PTGER2: variants seen among roughly 807,000 people sequenced by gnomAD.
The protein encoded by PTGER2 is prostaglandin E2 receptor EP2 subtype.
PTGER2 carries 22 observed loss-of-function variants against 26.2 expected under a neutral mutation model. The ratio of observed to expected loss-of-function variants is 0.84; its 90% CI spans 0.60 to 1.20. PTGER2 has a LOEUF of 1.20. Ranked by LOEUF, PTGER2 falls within the 50% of genes most tolerant of loss-of-function variation. The pLI is 0.00. For missense variants in PTGER2, 458 were observed against 475.2 expected (o/e 0.96, Z 0.34); for synonymous variants, 219 against 208.9 (o/e 1.05, Z -0.42).
Position 52,327,598 on chromosome 14 carries a change from G to C in PTGER2, c.*144G>C. The C allele has an allele frequency of 1.5e-6, 1 of 688,786 alleles. No individual in the cohort carries two copies. Among genetic ancestry groups the C allele is most frequent in the Non-Finnish European group, 2.4e-6 (1 of 423,680 alleles). The allele number at this position is 688,786 out of a possible 1,614,324, so 42.7% of individuals were successfully genotyped here. A position where few individuals can be genotyped will look rare whatever the true frequency, so the allele number is the denominator to read the frequency against. The stretch of plus-strand genomic sequence containing the variant: ...TACAAACATTTAAGCTGTGGTCAAG[G>C]CTACAGATGTGCTGACAAGGCACTT... On this transcript the variant is annotated 3_prime_UTR_variant, in exon 2 of 2. Coordinates refer to ENST00000245457, the MANE Select transcript of PTGER2 (RefSeq NM_000956.4).
chr14:52,319,917 ACAAACTC>A (rs1566495944), intron 1 of PTGER2, among the ~76,000 whole-genome samples: 4 of 152,200 alleles, frequency 2.6e-5, no homozygotes, highest in African/African-American at 9.6e-5. Context: ...GCAATACAAA[ACAAACTC>A]CAGTAAACAG....
At chr14:52,315,459 C>T (rs1452694981) in intron 1 of PTGER2, 68 bp downstream of exon 1, 3 of 1,563,710 alleles carry the variant, frequency 1.9e-6, no homozygotes. Flanking sequence ...CCTGACGCCT[C>T]CACCCTTTCC....
At chr14:52,319,212 C>T (rs2033870848) in intron 1 of PTGER2, among the ~76,000 whole-genome samples, 1 of 152,306 alleles carries the variant, frequency 6.6e-6, no homozygotes, top group African/African-American at 2.4e-5. Context: ...AATAAAATGG[C>T]AAAGACCTTT....
chr14:52,316,382 A>G (rs2033841084), intron 1 of PTGER2, among the ~76,000 whole-genome samples: 1 of 152,172 alleles, frequency 6.6e-6, no homozygotes, highest in African/African-American at 2.4e-5. Flanking sequence ...GTAACGTTTT[A>G]GCTGAGCCTG....
intron 1 of PTGER2, among the ~76,000 whole-genome samples, chr14:52,323,140 C>T (rs191985170): frequency 5.6e-4 from 85 of 152,270 alleles, no homozygotes; most frequent in African/African-American, 1.7e-3. Flanking sequence ...ATTCCTCTGC[C>T]GCGGCTCCAA....
Position 52,314,755 on chromosome 14 carries a change from G to T in PTGER2, c.207G>T (p.Val69=), listed in dbSNP as rs376819687. Reference sequence around the variant, plus strand: ...GGAGCTCCCTCTCCTTGTTCCACGTGCTGGTGACCGAGCTGGTGTTCACCG... The same window carrying T: ...GGAGCTCCCTCTCCTTGTTCCACGTTCTGGTGACCGAGCTGGTGTTCACCG... The part of the protein sequence containing the change: ...GRRSSLSLFH[V]LVTELVFTDL... The change falls in exon 1 of 2, where the codon GTG becomes GTT. Residue 69 remains valine, a synonymous_variant. Coordinates refer to ENST00000245457, the MANE Select transcript of PTGER2 (RefSeq NM_000956.4). This position sits in a 1 kb window ranked among gnomAD's most constrained non-coding sequence, Gnocchi z 5.7. 8 of 1,603,330 alleles carry T rather than the reference G, an allele frequency of 5.0e-6. No individual in the cohort carries two copies. The African/African-American group carries it at 1.1e-4, about 21-fold the overall frequency.
At position 52,320,227 on chromosome 14, in the gene PTGER2, G is replaced by C. The variant is rs993787294; in HGVS notation, c.843+4836G>C. Reference sequence around the variant, plus strand: ...AATACACATGATGTTTTAAGAGAAAGTTCCTCTATATGAGTGTTTTCACTT... The same window carrying C: ...AATACACATGATGTTTTAAGAGAAACTTCCTCTATATGAGTGTTTTCACTT... On this transcript the variant is annotated intron_variant, in intron 1 of 1. Coordinates refer to ENST00000245457, the MANE Select transcript of PTGER2 (RefSeq NM_000956.4). 2.5e-4 allele frequency among the ~76,000 whole-genome samples: 38 copies of C among 152,326 alleles called. 1 individual carries two copies. Among genetic ancestry groups the C allele is most frequent in the Admixed American group, 2.3e-3 (35 of 15,308 alleles).
chr14:52,314,699 C>CG lies in PTGER2; in HGVS notation c.157dup (p.Asp53GlyfsTer236). The CG allele has an allele frequency of 1.3e-6, 2 of 1,553,644 alleles. No homozygotes were observed. Among genetic ancestry groups the CG allele is most frequent in the East Asian group, 2.3e-5 (1 of 44,060 alleles). ...ACTGGCGCTGCTGGCGCGCCGCTGG[C>CG]GGGGGGACGTGGGGTGCAGCGCCGG... On this transcript the variant is annotated frameshift_variant, in exon 1 of 2. Coordinates refer to ENST00000245457, the MANE Select transcript of PTGER2 (RefSeq NM_000956.4). LOFTEE classifies it high-confidence loss of function. The surrounding 1 kb of genome is among the most constrained non-coding windows in gnomAD (Gnocchi z 5.7).
intron 1 of PTGER2, 149 bp downstream of exon 1, chr14:52,315,540 T>C (rs942612526): frequency 5.4e-6 from 6 of 1,118,490 alleles, no homozygotes; most frequent in Non-Finnish European, 7.5e-6. Context: ...CCTTCCCCAC[T>C]AGTTTCCCCT....
chr14:52,325,458 C>T (rs999886802), intron 1 of PTGER2, among the ~76,000 whole-genome samples: 1 of 152,236 alleles, frequency 6.6e-6, no homozygotes, highest in Non-Finnish European at 1.5e-5. Context: ...AGATCATCAA[C>T]TCAGCTGCAG....
chr14:52,324,818 CT>C (rs1231443590), intron 1 of PTGER2, among the ~76,000 whole-genome samples: 2 of 152,104 alleles, frequency 1.3e-5, no homozygotes, highest in African/African-American at 4.8e-5. Flanking sequence ...TCGAGGGTCA[CT>C]GAAGTATGTC....
intron 1 of PTGER2, among the ~76,000 whole-genome samples, chr14:52,322,624 A>T (rs2033907758): frequency 6.6e-6 from 1 of 152,092 alleles, no homozygotes; most frequent in Non-Finnish European, 1.5e-5. Flanking sequence ...AGTAAGCCTG[A>T]GGGTACTGCA....
At position 52,327,334 on chromosome 14, in the gene PTGER2, G is replaced by T. The variant is rs2033961802; in HGVS notation, c.957G>T (p.Arg319Ser). The T allele has an allele frequency of 6.2e-7, 1 of 1,612,768 alleles. No homozygotes were observed. Among genetic ancestry groups the T allele is most frequent in the African/African-American group, 1.3e-5 (1 of 74,984 alleles). Residue 319 changes from arginine to serine, a missense_variant, in exon 2 of 2, where the codon AGG (arginine) becomes AGT (serine). Physicochemically the swap from Arg to Ser is moderately radical, Grantham distance 110 (BLOSUM62 -1). Coordinates refer to ENST00000245457, the MANE Select transcript of PTGER2 (RefSeq NM_000956.4). ...IIDPWVFAIL[R>S]PPVLRLMRSV... The stretch of plus-strand genomic sequence containing the variant: ...ACCCTTGGGTCTTTGCCATCCTTAG[G>T]CCTCCTGTTCTGAGACTAATGCGTT...
At position 52,327,694 on chromosome 14, in the gene PTGER2, A is replaced by G; in HGVS notation, c.*240A>G. 1 of 419,934 alleles carries G rather than the reference A, an allele frequency of 2.4e-6. No individual in the cohort carries two copies. Among genetic ancestry groups the G allele is most frequent in the Non-Finnish European group, 4.3e-6 (1 of 235,074 alleles). The allele number at this position is 419,934 out of a possible 1,614,324, so 26.0% of individuals were successfully genotyped here. Reference sequence around the variant, plus strand: ...ATGGTACTTGGCCTTTGGAGGAACAATCGGCTGCATTGAAGATCCAGCTGC... The same window carrying G: ...ATGGTACTTGGCCTTTGGAGGAACAGTCGGCTGCATTGAAGATCCAGCTGC... On this transcript the variant is annotated 3_prime_UTR_variant, in exon 2 of 2. Coordinates refer to ENST00000245457, the MANE Select transcript of PTGER2 (RefSeq NM_000956.4).
In PTGER2 at chr14:52,318,250, G is replaced by T. The variant is rs190738862; in HGVS notation, c.843+2859G>T. Among the ~76,000 whole-genome samples, 72 of 152,280 alleles carry T rather than the reference G, an allele frequency of 4.7e-4. 1 individual carries two copies. The highest frequency in any genetic ancestry group is 1.5e-3 in the African/African-American group (62 of 41,560). On this transcript the variant is annotated intron_variant, in intron 1 of 1. Coordinates refer to ENST00000245457, the MANE Select transcript of PTGER2 (RefSeq NM_000956.4). ...GGGGCTCTAGAAGCAAAGGTTTATG[G>T]TTGCCTTCAGAAATGTTTCTGTTTC...
At position 52,314,731 on chromosome 14, in the gene PTGER2, G is replaced by C. The variant is rs373886710; in HGVS notation, c.183G>C (p.Arg61Ser). Residue 61 changes from arginine to serine, a missense_variant, in exon 1 of 2, where the codon AGG (arginine) becomes AGC (serine). Transcript: ENST00000245457. This position sits in a 1 kb window ranked among gnomAD's most constrained non-coding sequence, Gnocchi z 5.7. ...ACGTGGGGTGCAGCGCCGGCCGCAG[G>C]AGCTCCCTCTCCTTGTTCCACGTGC... ...RGDVGCSAGR[R>S]SSLSLFHVLV... 2.5e-6 allele frequency: 4 copies of C among 1,588,346 alleles called. No homozygotes were observed. Among genetic ancestry groups the C allele is most frequent in the Non-Finnish European group, 3.4e-6 (4 of 1,162,702 alleles).
Position 52,327,814 on chromosome 14 carries a change from T to A in PTGER2, c.*360T>A. 4.8e-6 allele frequency: 1 copy of A among 209,130 alleles called. No individual in the cohort carries two copies. Among genetic ancestry groups the A allele is most frequent in the Non-Finnish European group, 9.7e-6 (1 of 103,048 alleles). 13.0% of individuals were successfully genotyped at this position (209,130 alleles called of 1,614,324 possible). ...GTGACTGTACTTTCTATTTTAATCTTGCTACTACCGTTATACACATATAGT... is the reference window on the plus strand; with the variant it reads ...GTGACTGTACTTTCTATTTTAATCTAGCTACTACCGTTATACACATATAGT... On this transcript the variant is annotated 3_prime_UTR_variant, in exon 2 of 2. Coordinates refer to ENST00000245457, the MANE Select transcript of PTGER2 (RefSeq NM_000956.4).
rs1159641173 is a variant in PTGER2 at position 52,315,076 on chromosome 14, G to A, written c.528G>A (p.Gly176=). The A allele has an allele frequency of 3.7e-6, 6 of 1,611,794 alleles. No homozygotes were observed. The South Asian group carries it at 4.4e-5, about 12-fold the overall frequency. ...LFCSLPLLDY[G]QYVQYCPGTW... The stretch of plus-strand genomic sequence containing the variant: ...GCTCGCTGCCGCTGCTGGACTATGG[G>A]CAGTACGTCCAGTACTGCCCCGGGA... Residue 176 remains glycine (G), a synonymous_variant, in exon 1 of 2, where the codon GGG becomes GGA. Transcript: ENST00000245457.
chr14:52,314,353 A>T lies in PTGER2; in HGVS notation c.-196A>T. ...GCCTCGAGCGCCGCTCGGATGCAGC[A>T]GCCGAGCCGCCACTCGGCGCGCGGC... is the stretch of plus-strand genomic sequence containing the variant. On this transcript the variant is annotated 5_prime_UTR_variant, in exon 1 of 2. Coordinates refer to ENST00000245457, the MANE Select transcript of PTGER2 (RefSeq NM_000956.4). The surrounding 1 kb of genome is among the most constrained non-coding windows in gnomAD (Gnocchi z 5.7). 1.8e-6 allele frequency: 1 copy of T among 541,000 alleles called. No homozygotes were observed. Among genetic ancestry groups the T allele is most frequent in the Non-Finnish European group, 2.8e-6 (1 of 362,090 alleles). The allele number at this position is 541,000 out of a possible 1,614,324, so 33.5% of individuals were successfully genotyped here.
Sources: gnomAD v4.1 joint callset for allele counts (sites outside exome capture counted in the v4.1 genomes callset) on GRCh38, gnomAD v4.1.1 for gene constraint, Gnocchi (gnomAD v3.1) non-coding constraint, MANE v1.5 for transcripts, NCBI Gene and HGNC (gene_info 2026-07-23, HGNC 2026-07-21) for gene names.